ADGRB3: variants seen among roughly 807,000 people sequenced by gnomAD.
ADGRB3 encodes brain-specific angiogenesis inhibitor 3.
ADGRB3 carries 37 observed loss-of-function variants against 193.4 expected under a neutral mutation model. The observed-to-expected ratio is 0.19, with a 90% CI of 0.15 to 0.25. The LOEUF is 0.25. ADGRB3 is among the 10% of genes least tolerant of loss of function. ADGRB3 has a pLI of 1.00. For synonymous variants in ADGRB3, 690 were observed against 644.2 expected, an observed-to-expected ratio of 1.07 and a Z score of -1.08; for missense variants, 1,637 against 1,852.9, an observed-to-expected ratio of 0.88 and a Z score of 2.14.
chr6:69,041,714 C>T (rs1226679692), intron 13 of ADGRB3, among the ~76,000 whole-genome samples: 4 of 152,056 alleles, frequency 2.6e-5, no homozygotes, highest in Non-Finnish European at 5.9e-5. Flanking sequence ...AAGGGATCCA[C>T]CCGCCTCAGC....
At chr6:69,288,680 T>A (rs990624640) in intron 20 of ADGRB3, among the ~76,000 whole-genome samples, 5 of 152,182 alleles carry the variant, frequency 3.3e-5, no homozygotes, top group Admixed American at 1.3e-4. Context: ...AGTTATTAGC[T>A]TCAACACTGG....
intron 6 of ADGRB3, among the ~76,000 whole-genome samples, chr6:68,952,019 A>G (rs572806737): frequency 6.6e-6 from 1 of 152,300 alleles, no homozygotes; most frequent in South Asian, 2.1e-4. Context: ...AGAGATATAT[A>G]ATATGATAAA....
intron 3 of ADGRB3, among the ~76,000 whole-genome samples, chr6:68,838,506 G>A (rs1025102161): frequency 3.9e-5 from 6 of 151,954 alleles, no homozygotes; most frequent in South Asian, 2.1e-4. Flanking sequence ...CCACCATTGC[G>A]TCATTTTTCA....
chr6:69,158,302 C>A (rs941542334), intron 17 of ADGRB3, among the ~76,000 whole-genome samples: 4 of 151,768 alleles, frequency 2.6e-5, no homozygotes, highest in African/African-American at 4.8e-5. Context: ...TATTAAATAG[C>A]ATTGGATAAT....
At chr6:68,766,861 G>A (rs1359497925) in intron 3 of ADGRB3, among the ~76,000 whole-genome samples, 1 of 151,946 alleles carries the variant, frequency 6.6e-6, no homozygotes, top group African/African-American at 2.4e-5. Flanking sequence ...AACTAGTTAT[G>A]TAGAGATTAA....
At chr6:69,175,877 G>A (rs1388947356) in intron 17 of ADGRB3, among the ~76,000 whole-genome samples, 1 of 152,082 alleles carries the variant, frequency 6.6e-6, no homozygotes, top group Non-Finnish European at 1.5e-5. Context: ...GTATTCCTAG[G>A]TATTTTATTT....
intron 3 of ADGRB3, among the ~76,000 whole-genome samples, chr6:68,809,260 T>A (rs1264440673): frequency 6.6e-6 from 1 of 152,208 alleles, no homozygotes; most frequent in African/African-American, 2.4e-5. Flanking sequence ...CAGAGTATTT[T>A]TTTCAGAGAT....
chr6:69,013,072 G>C (rs1216509558), intron 11 of ADGRB3, among the ~76,000 whole-genome samples: 1 of 152,022 alleles, frequency 6.6e-6, no homozygotes, highest in African/African-American at 2.4e-5. Context: ...CAGGTCTCCT[G>C]TGACCCCCAA....
At chr6:69,080,435 A>T (rs2150314170) in intron 17 of ADGRB3, among the ~76,000 whole-genome samples, 1 of 152,152 alleles carries the variant, frequency 6.6e-6, no homozygotes. Context: ...GTGGGACCAA[A>T]CTAAGATGAA....
At position 69,373,606 on chromosome 6, in the gene ADGRB3, G is replaced by A. The variant is rs138538548; in HGVS notation, c.4275+1165G>A. Among the ~76,000 whole-genome samples the A allele has an allele frequency of 9.6e-3, 1,454 of 152,128 alleles. 23 individuals carry two copies. The highest frequency in any genetic ancestry group is 0.033 in the African/African-American group (1,390 of 41,536). On this transcript the variant is annotated intron_variant, in intron 30 of 31. Coordinates refer to ENST00000370598, the MANE Select transcript of ADGRB3 (RefSeq NM_001704.3). ...AAAGTTTTTAGCATAAAAGTATCAA[G>A]AATATAAATCTGAATAGACAATATT...
intron 6 of ADGRB3, among the ~76,000 whole-genome samples, chr6:68,955,135 ATTC>A (rs1366202142): frequency 1.3e-5 from 2 of 152,288 alleles, no homozygotes; most frequent in South Asian, 4.1e-4. Context: ...AATGCCCATG[ATTC>A]TTCTTCCAAA....
intron 11 of ADGRB3, among the ~76,000 whole-genome samples, chr6:69,003,551 A>C (rs1398141599): frequency 6.6e-6 from 1 of 152,158 alleles, no homozygotes; most frequent in Non-Finnish European, 1.5e-5. Context: ...CTCCCAGCCA[A>C]CAATCACTCC....
At chr6:68,943,796 C>A in intron 5 of ADGRB3, 34 bp from the exon 6 acceptor site, 1 of 1,532,994 alleles carries the variant, frequency 6.5e-7, no homozygotes, top group Non-Finnish European at 8.9e-7. Context: ...TACTGCTCTG[C>A]TTTTGTTGTT....
chr6:68,740,265 C>A (rs748663541), intron 3 of ADGRB3, among the ~76,000 whole-genome samples: 17 of 152,108 alleles, frequency 1.1e-4, no homozygotes, highest in Admixed American at 2.6e-4. Context: ...TCACTTATAT[C>A]CAAAGTGATA....
chr6:69,182,148 G>A (rs1276274693), intron 17 of ADGRB3, among the ~76,000 whole-genome samples: 1 of 152,162 alleles, frequency 6.6e-6, no homozygotes, highest in Non-Finnish European at 1.5e-5. Context: ...TGAGACAGGA[G>A]AGGATCTTAT....
At chr6:69,172,556 A>G (rs1205573135) in intron 17 of ADGRB3, among the ~76,000 whole-genome samples, 1 of 140,854 alleles carries the variant, frequency 7.1e-6, no homozygotes, top group Non-Finnish European at 1.5e-5. Context: ...AGGCAGAAGA[A>G]TGGCGTGAAC....
At chr6:68,909,042 T>A (rs1365695866) in intron 3 of ADGRB3, among the ~76,000 whole-genome samples, 1 of 152,164 alleles carries the variant, frequency 6.6e-6, no homozygotes, top group East Asian at 1.9e-4. Flanking sequence ...GTGCCCTTTT[T>A]TCCTTGGAAG....
At chr6:68,876,971 T>A (rs1765611694) in intron 3 of ADGRB3, among the ~76,000 whole-genome samples, 2 of 152,260 alleles carry the variant, frequency 1.3e-5, no homozygotes, top group Middle Eastern at 3.4e-3. Context: ...ATGTTAATTT[T>A]AAATGTTTAA....
At position 69,332,983 on chromosome 6, in the gene ADGRB3, G is replaced by C; in HGVS notation, c.3163G>C (p.Asp1055His). The change falls in exon 24 of 32, where the codon GAT (aspartate) becomes CAT (histidine). Residue 1055 changes from aspartate to histidine, a missense_variant. By Grantham distance (81) the Asp-to-His change is moderately conservative. Transcript: ENST00000370598. The stretch of plus-strand genomic sequence containing the variant: ...ACTTGTTTCCAGAGATGGAATCCTA[G>C]ATAAAAAGCTCAAACACAGAGCCGG... ...NKLVSRDGIL[D>H]KKLKHRAGQM... 5.0e-6 allele frequency: 8 copies of C among 1,613,828 alleles called. No individual in the cohort carries two copies. The highest frequency in any genetic ancestry group is 6.8e-6 in the Non-Finnish European group (8 of 1,179,864).
Sources: gnomAD v4.1 joint callset for allele counts (sites outside exome capture counted in the v4.1 genomes callset) on GRCh38, gnomAD v4.1.1 for gene constraint, MANE v1.5 for transcripts, NCBI Gene and HGNC (gene_info 2026-07-23, HGNC 2026-07-21) for gene names.